The following SUGCT variants were observed in gnomAD, a reference collection of about 807,000 sequenced individuals.
The protein encoded by SUGCT is succinyl-CoA:glutarate CoA-transferase.
SUGCT carries 41 observed loss-of-function variants against 55.0 expected under a neutral mutation model. That is an observed-to-expected ratio of 0.74 (90% CI 0.58 to 0.97). The LOEUF (loss-of-function observed/expected upper bound fraction) is 0.97. Ranked by LOEUF, SUGCT falls within the 50% of genes least tolerant of loss-of-function variation. The probability of loss-of-function intolerance (pLI) is 0.00; values close to 1 mark genes in which losing one functional copy is unlikely to be tolerated. For missense variants in SUGCT, 568 were observed against 547.8 expected, an observed-to-expected ratio of 1.04 and a Z score of -0.37; for synonymous variants, 187 against 200.4, an observed-to-expected ratio of 0.93 and a Z score of 0.56.
the SUGCT span, among the ~76,000 whole-genome samples, chr7:41,001,731 C>T: frequency 2.0e-5 from 3 of 152,140 alleles, no homozygotes; most frequent in African/African-American, 7.2e-5. Context: ...AAGGGCTCCA[C>T]CCTCATGACA....
At chr7:40,375,655 T>C (rs1191274685) in intron 9 of SUGCT, among the ~76,000 whole-genome samples, 3 of 152,222 alleles carry the variant, frequency 2.0e-5, no homozygotes, top group Non-Finnish European at 4.4e-5. Flanking sequence ...AAGAAGTTCC[T>C]TCTACCTTTA....
intron 12 of SUGCT, among the ~76,000 whole-genome samples, chr7:40,721,927 T>G (rs1013423245): frequency 6.6e-6 from 1 of 152,200 alleles, no homozygotes; most frequent in Non-Finnish European, 1.5e-5. Flanking sequence ...AAGAATGTCC[T>G]TTCATAGGAG....
At chr7:41,023,162 C>A in the SUGCT span, among the ~76,000 whole-genome samples, 1 of 152,156 alleles carries the variant, frequency 6.6e-6, no homozygotes, top group Non-Finnish European at 1.5e-5. Flanking sequence ...ATGGTGCAAA[C>A]AATGACTTCT....
At chr7:40,503,461 C>G (rs375494300) in intron 12 of SUGCT, among the ~76,000 whole-genome samples, 1 of 151,856 alleles carries the variant, frequency 6.6e-6, no homozygotes. Flanking sequence ...TATTCCAAAA[C>G]CACAATAATG....
intron 7 of SUGCT, among the ~76,000 whole-genome samples, chr7:40,248,005 G>GTTTTTT (rs1790024890): frequency 9.8e-6 from 1 of 101,678 alleles, no homozygotes; most frequent in African/African-American, 3.8e-5. Context: ...TTGTGTTTTT[G>GTTTTTT]TTTTTTTGTT....
chr7:40,958,696 G>A, the SUGCT span, among the ~76,000 whole-genome samples: 62 of 151,936 alleles, frequency 4.1e-4, no homozygotes, highest in South Asian at 6.2e-4. Context: ...GTCCAGTTTC[G>A]TTCCCTTGCT....
intron 12 of SUGCT, among the ~76,000 whole-genome samples, chr7:40,726,148 G>A (rs1786600712): frequency 2.0e-5 from 3 of 151,992 alleles, no homozygotes; most frequent in Admixed American, 2.0e-4. Flanking sequence ...ACGCAGGAAC[G>A]GTGTCAGGAC....
intron 12 of SUGCT, among the ~76,000 whole-genome samples, chr7:40,698,241 A>T (rs1323333963): frequency 1.3e-5 from 2 of 152,212 alleles, no homozygotes; most frequent in East Asian, 1.9e-4. Context: ...ATGCAGGTGA[A>T]TGTCTCAGGT....
chr7:40,478,627 A>G (rs1451319433), intron 11 of SUGCT, among the ~76,000 whole-genome samples: 1 of 152,148 alleles, frequency 6.6e-6, no homozygotes, highest in African/African-American at 2.4e-5. Context: ...CACCACAATC[A>G]AGCTAATATA....
intron 13 of SUGCT, among the ~76,000 whole-genome samples, chr7:40,798,953 T>A (rs1790681374): frequency 6.6e-6 from 1 of 152,206 alleles, no homozygotes; most frequent in East Asian, 1.9e-4. Context: ...CAAGCTAAAC[T>A]ACCCCAGTGC....
At chr7:40,436,091 C>T (rs184539871) in intron 9 of SUGCT, among the ~76,000 whole-genome samples, 9 of 151,840 alleles carry the variant, frequency 5.9e-5, no homozygotes, top group Admixed American at 3.3e-4. Context: ...TACAGGTGCG[C>T]GCCACCACCC....
intron 12 of SUGCT, among the ~76,000 whole-genome samples, chr7:40,709,924 G>A (rs1198537414): frequency 6.6e-6 from 1 of 152,270 alleles, no homozygotes; most frequent in Non-Finnish European, 1.5e-5. Flanking sequence ...CTAGTCAGGG[G>A]TTAGGAACCA....
chr7:40,676,020 C>G (rs1431742047), intron 12 of SUGCT, among the ~76,000 whole-genome samples: 1 of 152,048 alleles, frequency 6.6e-6, no homozygotes, highest in Admixed American at 6.5e-5. Flanking sequence ...ATGAGTAATA[C>G]CAAATATATA....
intron 12 of SUGCT, among the ~76,000 whole-genome samples, chr7:40,665,614 A>G (rs1049810929): frequency 6.6e-6 from 1 of 152,070 alleles, no homozygotes; most frequent in Non-Finnish European, 1.5e-5. Context: ...AGAAAGGAAT[A>G]AAAGTTTCCA....
At chr7:40,846,374 G>GA (rs3052686) in intron 13 of SUGCT, among the ~76,000 whole-genome samples, 11,444 of 141,202 alleles carry the variant, frequency 0.081, 1,407 homozygotes, top group African/African-American at 0.27. Context: ...ACTAGTGTTG[G>GA]AAAAAAAAAA....
At chr7:40,921,747 G>A in the SUGCT span, among the ~76,000 whole-genome samples, 2 of 152,118 alleles carry the variant, frequency 1.3e-5, no homozygotes, top group Admixed American at 6.5e-5. Context: ...CCTGCTTTTC[G>A]TGGGCCTCAG....
chr7:40,755,399 A>C (rs923717546), intron 13 of SUGCT, among the ~76,000 whole-genome samples: 1 of 152,244 alleles, frequency 6.6e-6, no homozygotes, highest in African/African-American at 2.4e-5. Context: ...AGCACATTAA[A>C]GTTTACATCA....
At chr7:40,479,618 G>A (rs186590176) in intron 11 of SUGCT, among the ~76,000 whole-genome samples, 149 of 152,214 alleles carry the variant, frequency 9.8e-4, no homozygotes, top group African/African-American at 3.4e-3. Context: ...TTGTCAAAAT[G>A]GCTGTACCAA....
the SUGCT span, among the ~76,000 whole-genome samples, chr7:40,950,441 A>C: frequency 1.3e-5 from 2 of 152,150 alleles, no homozygotes; most frequent in African/African-American, 2.4e-5. Context: ...AATTGAATAC[A>C]CTTTATTTCT....
Sources: gnomAD v4.1 joint callset for allele counts (sites outside exome capture counted in the v4.1 genomes callset) on GRCh38, gnomAD v4.1.1 for gene constraint, MANE v1.5 for transcripts, NCBI Gene and HGNC (gene_info 2026-07-23, HGNC 2026-07-21) for gene names.